Variants in PRKCQ observed in about 807,000 individuals in gnomAD.
PRKCQ encodes protein kinase C theta type.
Under a neutral mutation model 91.2 loss-of-function variants are expected in PRKCQ, and 41 were observed. The observed-to-expected ratio is 0.45, with a 90% CI of 0.35 to 0.58. The LOEUF is 0.58. Among genes scored for constraint, PRKCQ ranks in the 20% least tolerant of loss-of-function variants. The pLI is 0.00. For missense variants in PRKCQ, 673 were observed against 896.5 expected (o/e 0.75, Z 3.18); for synonymous variants, 307 against 316.9 (o/e 0.97, Z 0.33).
intron 1 of PRKCQ, among the ~76,000 whole-genome samples, chr10:6,571,822 A>C (rs970641100): frequency 6.6e-6 from 1 of 152,034 alleles, no homozygotes. Flanking sequence ...ACAAACAAAC[A>C]AACCAACAAA....
chr10:6,538,103 T>G (rs1220632567), intron 1 of PRKCQ, among the ~76,000 whole-genome samples: 2 of 152,248 alleles, frequency 1.3e-5, no homozygotes, highest in East Asian at 3.8e-4. Flanking sequence ...CCCAAGGATG[T>G]GCCTTCTGTT....
the PRKCQ span, among the ~76,000 whole-genome samples, chr10:6,419,684 CCTT>C: frequency 8.4e-6 from 1 of 119,756 alleles, no homozygotes; most frequent in Non-Finnish European, 1.6e-5. Flanking sequence ...ACTGAAATCT[CCTT>C]TTTTTTTTTT....
chr10:6,524,756 G>A (rs1158077021), intron 1 of PRKCQ, among the ~76,000 whole-genome samples: 1 of 152,092 alleles, frequency 6.6e-6, no homozygotes, highest in Non-Finnish European at 1.5e-5. Context: ...TGGGTGAGGA[G>A]GGAGGAGGGA....
At chr10:6,441,224 C>G (rs989209869) in intron 16 of PRKCQ, among the ~76,000 whole-genome samples, 16 of 152,174 alleles carry the variant, frequency 1.1e-4, no homozygotes, top group Non-Finnish European at 2.2e-4. Flanking sequence ...AAAAAAAACC[C>G]TCTATATAAC....
At chr10:6,473,082 A>C (rs1836079414) in intron 12 of PRKCQ, among the ~76,000 whole-genome samples, 1 of 152,202 alleles carries the variant, frequency 6.6e-6, no homozygotes, top group Non-Finnish European at 1.5e-5. Context: ...TATTTTCCTT[A>C]GACCAGATGA....
chr10:6,517,507 C>G (rs190906040), intron 1 of PRKCQ, among the ~76,000 whole-genome samples: 1 of 145,264 alleles, frequency 6.9e-6, no homozygotes, highest in Non-Finnish European at 1.5e-5. Context: ...CTACGATCTG[C>G]GTTACTAAAG....
intron 1 of PRKCQ, among the ~76,000 whole-genome samples, chr10:6,546,236 CAATT>C (rs1175707518): frequency 6.6e-6 from 1 of 151,974 alleles, no homozygotes; most frequent in East Asian, 1.9e-4. Context: ...TTTTGTGTAT[CAATT>C]AATAGTAAGC....
chr10:6,415,417 T>G, the PRKCQ span, among the ~76,000 whole-genome samples: 1 of 10,036 alleles, frequency 1.0e-4, no homozygotes, highest in East Asian at 7.8e-3. Flanking sequence ...TATATATATA[T>G]ATATATATAT....
the PRKCQ span, among the ~76,000 whole-genome samples, chr10:6,415,243 G>A: frequency 5.9e-5 from 9 of 151,586 alleles, no homozygotes; most frequent in African/African-American, 2.2e-4. Context: ...AATTACAGGT[G>A]TGAGCCACTG....
chr10:6,489,356 C>T (rs1380683460), intron 8 of PRKCQ: 1 of 502,004 alleles, frequency 2.0e-6, no homozygotes, highest in Admixed American at 2.2e-5. Flanking sequence ...AGAAAGGCCA[C>T]CACCATCTCC....
At chr10:6,407,984 A>T in the PRKCQ span, among the ~76,000 whole-genome samples, 1 of 150,820 alleles carries the variant, frequency 6.6e-6, no homozygotes, top group African/African-American at 2.5e-5. This position sits in a 1 kb window ranked among gnomAD's most constrained non-coding sequence, Gnocchi z 4.0. Context: ...GAAAATTAAC[A>T]TTAATGTTTA....
chr10:6,454,539 A>T (rs897994710), intron 15 of PRKCQ, among the ~76,000 whole-genome samples: 2 of 152,100 alleles, frequency 1.3e-5, no homozygotes, highest in African/African-American at 4.8e-5. Context: ...TTGAAGGGTA[A>T]GAAAGAAAGG....
intron 1 of PRKCQ, among the ~76,000 whole-genome samples, chr10:6,548,905 A>T (rs1454373010): frequency 6.6e-6 from 1 of 152,114 alleles, no homozygotes; most frequent in African/African-American, 2.4e-5. Context: ...AAAAAAGAAG[A>T]TGTTATACTT....
intron 1 of PRKCQ, among the ~76,000 whole-genome samples, chr10:6,572,017 A>C (rs1841065184): frequency 6.6e-6 from 1 of 152,092 alleles, no homozygotes; most frequent in South Asian, 2.1e-4. Flanking sequence ...CTTAACCTGC[A>C]CACCTCAGCT....
downstream of PRKCQ, among the ~76,000 whole-genome samples, chr10:6,424,883 C>A (rs10906534): frequency 0.38 from 58,249 of 151,896 alleles, 13,486 homozygotes; most frequent in East Asian, 0.76. Context: ...TTTAACTATA[C>A]CCTGAGGTAA....
Position 6,428,095 on chromosome 10 carries a change from A to ATTGT in PRKCQ, c.*108_*111dup. The ATTGT allele has an allele frequency of 7.2e-7, 1 of 1,394,304 alleles. No individual in the cohort carries two copies. The highest frequency in any genetic ancestry group is 1.2e-5 in the South Asian group (1 of 80,548). 86.4% of individuals were successfully genotyped at this position (1,394,304 alleles called of 1,614,324 possible). A position where few individuals can be genotyped will look rare whatever the true frequency, so the allele number is the denominator to read the frequency against. On this transcript the variant is annotated 3_prime_UTR_variant, in exon 18 of 18. Coordinates refer to ENST00000263125, the MANE Select transcript of PRKCQ (RefSeq NM_006257.5). ...TGGGGGCGAACGGGTCTCAGTCTTT[A>ATTGT]TTGTTGAGTGTTTCTTTCTTTTTCC... is the stretch of plus-strand genomic sequence containing the variant.
intron 15 of PRKCQ, among the ~76,000 whole-genome samples, chr10:6,455,079 G>A (rs111339613): frequency 7.2e-5 from 11 of 152,212 alleles, no homozygotes; most frequent in Non-Finnish European, 1.5e-4. Flanking sequence ...AGGTGAGGCT[G>A]AGGGAGTGAC....
intron 8 of PRKCQ, among the ~76,000 whole-genome samples, chr10:6,488,194 C>T (rs1469284138): frequency 6.6e-6 from 1 of 152,140 alleles, no homozygotes; most frequent in East Asian, 1.9e-4. Flanking sequence ...AAGCTTAGCA[C>T]AATGACTGGC....
chr10:6,562,878 A>G (rs956371252), intron 1 of PRKCQ, among the ~76,000 whole-genome samples: 1 of 152,178 alleles, frequency 6.6e-6, no homozygotes, highest in Non-Finnish European at 1.5e-5. Context: ...TAGACAGAAA[A>G]AGCTCAGTCT....
Sources: gnomAD v4.1 joint callset for allele counts (sites outside exome capture counted in the v4.1 genomes callset) on GRCh38, gnomAD v4.1.1 for gene constraint, Gnocchi (gnomAD v3.1) non-coding constraint, MANE v1.5 for transcripts, NCBI Gene and HGNC (gene_info 2026-07-23, HGNC 2026-07-21) for gene names.